LIX1: variants seen among roughly 807,000 people sequenced by gnomAD.
The protein encoded by LIX1 is protein limb expression 1 homolog.
Under a neutral mutation model 33.4 loss-of-function variants are expected in LIX1, and 24 were observed. That is an observed-to-expected ratio of 0.72 (90% CI 0.52 to 1.01). The LOEUF (loss-of-function observed/expected upper bound fraction) is 1.01. LIX1 is among the 50% of genes least tolerant of loss of function. LIX1 has a pLI of 0.00. For synonymous variants in LIX1, 124 were observed against 124.0 expected, an observed-to-expected ratio of 1.00 and a Z score of 0.00; for missense variants, 311 against 339.2, an observed-to-expected ratio of 0.92 and a Z score of 0.65.
chr5:97,142,498 CT>C lies in LIX1; in HGVS notation c.78del (p.Asp27ThrfsTer2), dbSNP rs1294419147. 1.9e-6 allele frequency: 3 copies of C among 1,612,600 alleles called. No individual in the cohort carries two copies. The South Asian group carries it at 3.3e-5, about 18-fold the overall frequency. On this transcript the variant is annotated frameshift_variant, in exon 1 of 6. Coordinates refer to ENST00000274382, the MANE Select transcript of LIX1 (RefSeq NM_153234.5). LOFTEE classifies it high-confidence loss of function. Reference sequence around the variant, plus strand: ...CTTTTCCCCCTTCAGTACTTACAGTCTTTGAAGACTAGAGCCGGATCTCTGT... The same window carrying C: ...CTTTTCCCCCTTCAGTACTTACAGTCTTGAAGACTAGAGCCGGATCTCTGT... ...LPHRDPALVF[K>X]DLNVVSMLQE...
intron 5 of LIX1, among the ~76,000 whole-genome samples, chr5:97,095,463 T>C (rs1052645282): frequency 6.6e-6 from 1 of 152,240 alleles, no homozygotes; most frequent in African/African-American, 2.4e-5. Flanking sequence ...GAATGGGGTT[T>C]GGTCAAATCC....
At chr5:97,132,206 A>G (rs574748481) in intron 1 of LIX1, among the ~76,000 whole-genome samples, 1 of 152,308 alleles carries the variant, frequency 6.6e-6, no homozygotes, top group East Asian at 1.9e-4. Context: ...AGTAATAGAA[A>G]AATCCAAGAC....
rs1301327911 is a variant in LIX1, at chr5:97,093,565, T to G, written c.*1183A>C. 2.7e-5 allele frequency: 4 copies of G among 147,992 alleles called. No individual in the cohort carries two copies. The highest frequency in any genetic ancestry group is 1.0e-4 in the African/African-American group (4 of 39,338). The allele number at this position is 147,992 out of a possible 1,614,324, so 9.2% of individuals were successfully genotyped here. On this transcript the variant is annotated 3_prime_UTR_variant, in exon 6 of 6. Coordinates refer to ENST00000274382, the MANE Select transcript of LIX1 (RefSeq NM_153234.5). ...GGGAGGTGGAGGCAGGCAGATGGCTTGAGCCCAGGAGTTCAAGACCAGCCT... is the reference window on the plus strand; with the variant it reads ...GGGAGGTGGAGGCAGGCAGATGGCTGGAGCCCAGGAGTTCAAGACCAGCCT...
chr5:97,094,935 A>C lies in LIX1; in HGVS notation c.662T>G (p.Val221Gly). 1 of 1,614,130 alleles carries C rather than the reference A, an allele frequency of 6.2e-7. No homozygotes were observed. The highest frequency in any genetic ancestry group is 1.1e-5 in the South Asian group (1 of 91,078). The part of the protein sequence containing the change: ...IMKERDSPGI[V>G]SQELRMALRQ... Reference sequence around the variant, plus strand: ...CAGGGCCATTCGTAGCTCTTGAGAGACAATTCCTGGTGAGTCCCGCTCCTT... The same window carrying C: ...CAGGGCCATTCGTAGCTCTTGAGAGCCAATTCCTGGTGAGTCCCGCTCCTT... The change falls in exon 6 of 6, where the codon GTC (valine) becomes GGC (glycine). Residue 221 changes from valine (V) to glycine (G), a missense_variant. Val to Gly is a moderately radical substitution (Grantham distance 109). Transcript: ENST00000274382.
chr5:97,099,441 G>C (rs745359364), intron 4 of LIX1, among the ~76,000 whole-genome samples: 2 of 152,208 alleles, frequency 1.3e-5, no homozygotes, highest in Non-Finnish European at 2.9e-5. Flanking sequence ...GATGTAACAG[G>C]AGGGCCAATA....
chr5:97,126,941 A>C (rs1747942386), intron 1 of LIX1, among the ~76,000 whole-genome samples: 1 of 152,122 alleles, frequency 6.6e-6, no homozygotes, highest in African/African-American at 2.4e-5. Context: ...CCCACCCTGA[A>C]ATAATATTTT....
At chr5:97,114,625 T>G (rs1431552041) in intron 2 of LIX1, among the ~76,000 whole-genome samples, 1 of 152,160 alleles carries the variant, frequency 6.6e-6, no homozygotes, top group East Asian at 1.9e-4. Context: ...TCCGAATCTC[T>G]TCAGCTATAT....
intron 1 of LIX1, among the ~76,000 whole-genome samples, chr5:97,132,131 G>A (rs1748069721): frequency 6.6e-6 from 1 of 152,126 alleles, no homozygotes; most frequent in Non-Finnish European, 1.5e-5. Flanking sequence ...GGAACAGAAC[G>A]CCATAATTAA....
chr5:97,098,486 G>C (rs1746507455), intron 4 of LIX1, among the ~76,000 whole-genome samples: 1 of 152,078 alleles, frequency 6.6e-6, no homozygotes, highest in Non-Finnish European at 1.5e-5. Flanking sequence ...AATAGCCTGT[G>C]GTTATTGAAA....
intron 4 of LIX1, among the ~76,000 whole-genome samples, chr5:97,098,347 A>G (rs1229490056): frequency 6.6e-6 from 1 of 152,230 alleles, no homozygotes; most frequent in African/African-American, 2.4e-5. Context: ...TATCAAAGGC[A>G]AGCTAAGGTG....
rs888428871 is a variant in LIX1, at chr5:97,093,618, C to G, written c.*1130G>C. 1 of 51,842 alleles carries G rather than the reference C, an allele frequency of 1.9e-5. No homozygotes were observed. Among genetic ancestry groups the G allele is most frequent in the Non-Finnish European group, 3.4e-5 (1 of 29,596 alleles). The allele number at this position is 51,842 out of a possible 1,614,324, so 3.2% of individuals were successfully genotyped here. On this transcript the variant is annotated 3_prime_UTR_variant, in exon 6 of 6. Coordinates refer to ENST00000274382, the MANE Select transcript of LIX1 (RefSeq NM_153234.5). Reference sequence around the variant, plus strand: ...GCAACATGATGAAATCCCGTCTCTACTAAAAAAAAAAAAAAAAAAAAAGTT... The same window carrying G: ...GCAACATGATGAAATCCCGTCTCTAGTAAAAAAAAAAAAAAAAAAAAAGTT...
intron 2 of LIX1, among the ~76,000 whole-genome samples, chr5:97,114,865 G>A (rs1014792670): frequency 6.6e-6 from 1 of 152,174 alleles, no homozygotes; most frequent in South Asian, 2.1e-4. Flanking sequence ...GATTTACAAA[G>A]AGCCTCTGCA....
At position 97,118,820 on chromosome 5, in the gene LIX1, G is replaced by T. The variant is rs141797525; in HGVS notation, c.246+5646C>A. ...AGGCCTGGTCTAAAGGCAGGGCTAT[G>T]GCTGCTTTCTCTCTCTCTCTCTCTT... On this transcript the variant is annotated intron_variant, in intron 2 of 5. Coordinates refer to ENST00000274382, the MANE Select transcript of LIX1 (RefSeq NM_153234.5). Among the ~76,000 whole-genome samples the T allele has an allele frequency of 2.2e-3, 330 of 152,154 alleles. 1 individual carries two copies. Among genetic ancestry groups the T allele is most frequent in the African/African-American group, 7.7e-3 (319 of 41,512 alleles).
intron 1 of LIX1, among the ~76,000 whole-genome samples, chr5:97,126,203 C>T (rs529384142): frequency 1.3e-5 from 2 of 152,368 alleles, no homozygotes; most frequent in South Asian, 4.1e-4. Flanking sequence ...TTGTGTAACA[C>T]GGCATCTATG....
intron 2 of LIX1, among the ~76,000 whole-genome samples, chr5:97,119,021 A>G (rs1747710565): frequency 1.3e-5 from 2 of 152,214 alleles, no homozygotes; most frequent in Non-Finnish European, 2.9e-5. Context: ...CCTTTGATTA[A>G]TCAGAAAACT....
At chr5:97,138,762 C>G (rs750674296) in intron 1 of LIX1, among the ~76,000 whole-genome samples, 3 of 152,080 alleles carry the variant, frequency 2.0e-5, no homozygotes, top group Non-Finnish European at 2.9e-5. Flanking sequence ...CCTTTTTCTC[C>G]CCTCTGTTTT....
intron 4 of LIX1, among the ~76,000 whole-genome samples, chr5:97,097,626 A>C (rs1385708854): frequency 6.6e-6 from 1 of 152,240 alleles, no homozygotes; most frequent in Admixed American, 6.5e-5. Flanking sequence ...GTTTTGAATC[A>C]TGTGACTATG....
chr5:97,136,859 T>G (rs2112799965), intron 1 of LIX1, among the ~76,000 whole-genome samples: 1 of 152,304 alleles, frequency 6.6e-6, no homozygotes, highest in East Asian at 1.9e-4. Flanking sequence ...TAGGATTCTT[T>G]TTTTTTTCTT....
At position 97,092,940 on chromosome 5, in the gene LIX1, C is replaced by A. The variant is rs1017462233; in HGVS notation, c.*1808G>T. ...AACATAAAAATGTTAATTCTGATTT[C>A]TTTTCAGGAATATAAGGGAATAAAG... On this transcript the variant is annotated 3_prime_UTR_variant, in exon 6 of 6. Coordinates refer to ENST00000274382, the MANE Select transcript of LIX1 (RefSeq NM_153234.5). 6.6e-6 allele frequency: 1 copy of A among 152,260 alleles called. No individual in the cohort carries two copies. The highest frequency in any genetic ancestry group is 1.5e-5 in the Non-Finnish European group (1 of 68,016). The allele number at this position is 152,260 out of a possible 1,614,324, so 9.4% of individuals were successfully genotyped here. A position where few individuals can be genotyped will look rare whatever the true frequency, so the allele number is the denominator to read the frequency against.
Sources: allele counts gnomAD v4.1 joint callset (sites outside exome capture counted in the v4.1 genomes callset), GRCh38; gene constraint gnomAD v4.1.1; transcripts MANE v1.5; gene names NCBI Gene and HGNC (gene_info 2026-07-23, HGNC 2026-07-21).